Variants in FMN2 observed in about 807,000 individuals in gnomAD.
The protein encoded by FMN2 is formin-2.
A neutral mutation model predicts 142.3 loss-of-function variants in FMN2; 51 were observed. The observed-to-expected ratio is 0.36, with a 90% CI of 0.29 to 0.45. The LOEUF is 0.45. FMN2 is among the 20% of genes least tolerant of loss of function. The pLI, the probability that FMN2 is intolerant of heterozygous loss-of-function variation, is 1.00. For synonymous variants in FMN2, 882 were observed against 869.8 expected (o/e 1.01, Z -0.25); for missense variants, 1,936 against 2,122.8 (o/e 0.91, Z 1.73).
At chr1:240,100,177 T>G (rs1661366681) in intron 1 of FMN2, among the ~76,000 whole-genome samples, 1 of 152,174 alleles carries the variant, frequency 6.6e-6, no homozygotes, top group African/African-American at 2.4e-5. Context: ...TTTATAGAAC[T>G]TATGTTGATA....
intron 6 of FMN2, among the ~76,000 whole-genome samples, chr1:240,237,767 T>C (rs1163010855): frequency 6.6e-6 from 1 of 152,146 alleles, no homozygotes; most frequent in Non-Finnish European, 1.5e-5. Flanking sequence ...AGGGGGCAAA[T>C]TGCAGAATAA....
intron 14 of FMN2, among the ~76,000 whole-genome samples, chr1:240,373,711 G>C (rs1672948268): frequency 6.6e-6 from 1 of 152,152 alleles, no homozygotes; most frequent in Non-Finnish European, 1.5e-5. Context: ...CATTTCTTCA[G>C]TTCTTTCCTC....
intron 4 of FMN2, among the ~76,000 whole-genome samples, chr1:240,202,693 G>A (rs1026565347): frequency 6.6e-6 from 1 of 151,984 alleles, no homozygotes. Context: ...CGAACTCCTG[G>A]CTTCAAGTGA....
intron 4 of FMN2, among the ~76,000 whole-genome samples, chr1:240,195,038 G>C (rs1572045837): frequency 6.6e-6 from 1 of 152,184 alleles, no homozygotes; most frequent in South Asian, 2.1e-4. Context: ...CATTATTGTT[G>C]TTATAGTTGA....
intron 16 of FMN2, among the ~76,000 whole-genome samples, chr1:240,442,634 T>G (rs1406926866): frequency 6.6e-6 from 1 of 152,220 alleles, no homozygotes; most frequent in African/African-American, 2.4e-5. Context: ...TGTATATAGA[T>G]TGAAAAATAT....
intron 8 of FMN2, among the ~76,000 whole-genome samples, chr1:240,309,518 G>A (rs891153815): frequency 1.3e-5 from 2 of 152,172 alleles, no homozygotes; most frequent in African/African-American, 4.8e-5. Flanking sequence ...ACTGGTCACT[G>A]AGTCTAGGTC....
intron 4 of FMN2, among the ~76,000 whole-genome samples, chr1:240,197,404 A>G (rs1373775653): frequency 6.6e-6 from 1 of 152,084 alleles, no homozygotes; most frequent in Non-Finnish European, 1.5e-5. Context: ...TAACACATTG[A>G]ACCTGCGGAG....
At chr1:240,248,458 T>TATATATAA (rs913505236) in intron 6 of FMN2, among the ~76,000 whole-genome samples, 1 of 133,558 alleles carries the variant, frequency 7.5e-6, no homozygotes, top group African/African-American at 2.8e-5. Context: ...TATATATATA[T>TATATATAA]AACATACATG....
intron 14 of FMN2, among the ~76,000 whole-genome samples, chr1:240,366,264 C>G (rs1672666969): frequency 6.6e-6 from 1 of 152,160 alleles, no homozygotes; most frequent in Non-Finnish European, 1.5e-5. Context: ...GTGTCCCCTT[C>G]AGAAACAACC....
At chr1:240,222,179 A>G (rs1667144860) in intron 6 of FMN2, among the ~76,000 whole-genome samples, 1 of 151,992 alleles carries the variant, frequency 6.6e-6, no homozygotes, top group South Asian at 2.1e-4. Context: ...GGATGTAAGG[A>G]AAGGGGTTCA....
At chr1:240,397,311 G>C (rs1488497958) in intron 15 of FMN2, among the ~76,000 whole-genome samples, 1 of 152,100 alleles carries the variant, frequency 6.6e-6, no homozygotes, top group Non-Finnish European at 1.5e-5. Flanking sequence ...GTTTTTGCTT[G>C]TTGATTTGTT....
In FMN2 at chr1:240,143,998, G is replaced by A. The variant is rs930380994; in HGVS notation, c.1782+20653G>A. 10 of 1,249,350 alleles carry A rather than the reference G, an allele frequency of 8.0e-6. No individual in the cohort carries two copies. In the Admixed American group the frequency reaches 1.2e-4, roughly 15 times the overall value. The allele number at this position is 1,249,350 out of a possible 1,614,324, so 77.4% of individuals were successfully genotyped here. On this transcript the variant is annotated intron_variant, in intron 2 of 17. Transcript: ENST00000319653. Reference sequence around the variant, plus strand: ...AGTCTGAAAGCAGTCCCAGAGCAGGGACACACTCATTCCAGACCCCAGAGT... The same window carrying A: ...AGTCTGAAAGCAGTCCCAGAGCAGGAACACACTCATTCCAGACCCCAGAGT...
intron 2 of FMN2, among the ~76,000 whole-genome samples, chr1:240,176,511 C>G (rs571926714): frequency 6.6e-6 from 1 of 152,198 alleles, no homozygotes; most frequent in Non-Finnish European, 1.5e-5. Flanking sequence ...GTAGCACTCT[C>G]CGGCTGTCAC....
chr1:240,159,643 C>T lies in FMN2; in HGVS notation c.1783-18278C>T, dbSNP rs148630334. ...GGAAAGCCTGTCCACACTATCATTACAAGCTCAGAACAGAGTGTGGGGAGA... is the reference window on the plus strand; with the variant it reads ...GGAAAGCCTGTCCACACTATCATTATAAGCTCAGAACAGAGTGTGGGGAGA... On this transcript the variant is annotated intron_variant, in intron 2 of 17. Coordinates refer to ENST00000319653, the MANE Select transcript of FMN2 (RefSeq NM_020066.5). Among the ~76,000 whole-genome samples, 862 of 152,196 alleles carry T rather than the reference C, an allele frequency of 5.7e-3. 8 individuals are homozygous for T. Among genetic ancestry groups the T allele is most frequent in the Non-Finnish European group, 7.2e-3 (487 of 68,010 alleles).
At chr1:240,471,129 G>A (rs1676792074) in intron 16 of FMN2, among the ~76,000 whole-genome samples, 1 of 152,086 alleles carries the variant, frequency 6.6e-6, no homozygotes, top group Non-Finnish European at 1.5e-5. Context: ...TATACCTCTG[G>A]TCAGTTCAAT....
intron 2 of FMN2, among the ~76,000 whole-genome samples, chr1:240,147,389 G>T (rs980476085): frequency 3.9e-5 from 6 of 152,098 alleles, no homozygotes; most frequent in Admixed American, 2.0e-4. Context: ...CATCACTCTG[G>T]TCTAAGCCGC....
intron 16 of FMN2, among the ~76,000 whole-genome samples, chr1:240,446,194 A>G (rs1359931344): frequency 1.3e-5 from 2 of 152,220 alleles, no homozygotes; most frequent in Non-Finnish European, 2.9e-5. Flanking sequence ...TTAGCTGGGA[A>G]AGGGCTTTGC....
At chr1:240,292,352 C>T (rs1669824294) in intron 7 of FMN2, among the ~76,000 whole-genome samples, 1 of 152,126 alleles carries the variant, frequency 6.6e-6, no homozygotes, top group African/African-American at 2.4e-5. Context: ...TGCATTCAGT[C>T]ATTCTTAGCA....
At chr1:240,191,239 T>A (rs1665684532) in intron 4 of FMN2, among the ~76,000 whole-genome samples, 1 of 152,224 alleles carries the variant, frequency 6.6e-6, no homozygotes, top group Admixed American at 6.5e-5. Context: ...AGTTTTGACT[T>A]TTACTCTTTC....
Sources: allele counts gnomAD v4.1 joint callset (sites outside exome capture counted in the v4.1 genomes callset), GRCh38; gene constraint gnomAD v4.1.1; transcripts MANE v1.5; gene names NCBI Gene and HGNC (gene_info 2026-07-23, HGNC 2026-07-21).